SNRPN: variants seen among roughly 807,000 people sequenced by gnomAD.
SNRPN encodes the protein small nuclear ribonucleoprotein-associated protein N.
In SNRPN, 7 loss-of-function variants were observed where a neutral mutation model predicts 25.2. The ratio of observed to expected loss-of-function variants is 0.28; its 90% CI spans 0.16 to 0.52. SNRPN has a LOEUF of 0.52. Among genes scored for constraint, SNRPN ranks in the 20% least tolerant of loss-of-function variants. SNRPN has a pLI of 0.96. For missense variants in SNRPN, 196 were observed against 322.5 expected (o/e 0.61, Z 3.00); for synonymous variants, 124 against 110.6 (o/e 1.12, Z -0.76).
chr15:24,867,224 G>C (rs1343163870), intron 1 of SNRPN, among the ~76,000 whole-genome samples: 12 of 152,044 alleles, frequency 7.9e-5, no homozygotes. Context: ...GATAATGGCT[G>C]TACCGATTAA....
chr15:24,955,191 C>A, intron 1 of SNRPN, 129 bp downstream of exon 1: 1 of 1,262,648 alleles, frequency 7.9e-7, no homozygotes, highest in South Asian at 1.3e-5. Context: ...GTCCTTTGTT[C>A]TGGAGAACCA....
intron 1 of SNRPN, among the ~76,000 whole-genome samples, chr15:24,885,366 G>A (rs1034714059): frequency 3.3e-5 from 5 of 152,076 alleles, no homozygotes; most frequent in African/African-American, 1.2e-4. Flanking sequence ...ATAACAGTGG[G>A]GTCAAAAGGT....
At chr15:24,954,304 C>T (rs73354180), upstream of SNRPN, among the ~76,000 whole-genome samples, 367 of 152,234 alleles carry the variant, frequency 2.4e-3, 2 homozygotes, top group African/African-American at 8.4e-3. Flanking sequence ...GAAAGGCTCT[C>T]CTACTTAGAT....
Position 24,974,430 on chromosome 15 carries a change from A to C in SNRPN, c.-24A>C. The C allele has an allele frequency of 6.2e-7, 1 of 1,613,016 alleles. No individual in the cohort carries two copies. Among genetic ancestry groups the C allele is most frequent in the South Asian group, 1.1e-5 (1 of 91,072 alleles). ...GAAGCATCAAGTTTTAACTGTGGAC[A>C]TTGGATTTGGTGGAACAGCAATCAT... On this transcript the variant is annotated 5_prime_UTR_variant, in exon 4 of 10. Transcript: ENST00000390687.
At chr15:24,849,906 T>C (rs1208999539) in intron 2 of SNRPN, 2 of 152,264 alleles carry the variant, frequency 1.3e-5, no homozygotes, top group African/African-American at 2.4e-5. Context: ...TTACTTGTTA[T>C]GAAAATGAAG....
chr15:24,865,046 C>CTT (rs35703226), intron 1 of SNRPN, among the ~76,000 whole-genome samples: 14 of 133,002 alleles, frequency 1.1e-4, no homozygotes, highest in Non-Finnish European at 1.6e-4. Flanking sequence ...GGAGACTGAG[C>CTT]TTTTTTTTTT....
chr15:24,874,905 T>C (rs896347410), intron 1 of SNRPN, among the ~76,000 whole-genome samples: 1 of 152,230 alleles, frequency 6.6e-6, no homozygotes, highest in Non-Finnish European at 1.5e-5. Flanking sequence ...TAGTGTATTC[T>C]GCTTATATTT....
chr15:24,954,801 T>C (rs947830351), upstream of SNRPN: 5 of 582,256 alleles, frequency 8.6e-6, no homozygotes, highest in Middle Eastern at 4.6e-4. Context: ...CCCCTCTCAT[T>C]GCAACAGTGC....
intron 2 of SNRPN, among the ~76,000 whole-genome samples, chr15:24,838,605 T>C (rs1472089403): frequency 6.6e-6 from 1 of 152,026 alleles, no homozygotes; most frequent in African/African-American, 2.4e-5. Context: ...CAGATAAGGA[T>C]TGGATTGAGC....
intron 1 of SNRPN, among the ~76,000 whole-genome samples, chr15:24,881,834 G>C (rs2056716796): frequency 6.6e-6 from 1 of 152,174 alleles, no homozygotes; most frequent in Non-Finnish European, 1.5e-5. Flanking sequence ...TTTTAGGAAT[G>C]TGTATGTATA....
chr15:24,964,476 T>C (rs1946119480), intron 2 of SNRPN, among the ~76,000 whole-genome samples: 2 of 152,200 alleles, frequency 1.3e-5, no homozygotes, highest in South Asian at 4.2e-4. Context: ...ATTTTTTTAG[T>C]AGAGACAGGG....
chr15:24,958,541 A>G (rs1022675301), intron 1 of SNRPN, among the ~76,000 whole-genome samples: 2 of 108,746 alleles, frequency 1.8e-5, no homozygotes, highest in Admixed American at 1.4e-4. Context: ...GGGTCTCCCT[A>G]TGTTGTCCAG....
At chr15:24,913,488 C>G (rs758479556) in intron 2 of SNRPN, among the ~76,000 whole-genome samples, 18 of 151,872 alleles carry the variant, frequency 1.2e-4, no homozygotes, top group Non-Finnish European at 2.2e-4. Flanking sequence ...ACTAAAAATA[C>G]AAAAATTAGC....
At chr15:24,967,819 A>AG (rs1481598306) in intron 2 of SNRPN, 113 bp from the exon 3 acceptor site, 1 of 935,312 alleles carries the variant, frequency 1.1e-6, no homozygotes, top group African/African-American at 1.7e-5. Flanking sequence ...AAAAAAAAAA[A>AG]AAAAAAAAAG....
chr15:24,967,878 C>A, intron 2 of SNRPN, 54 bp from the exon 3 acceptor site: 1 of 1,451,450 alleles, frequency 6.9e-7, no homozygotes, highest in South Asian at 1.1e-5. Context: ...CATATGGTTT[C>A]CTATAAAGAC....
intron 3 of SNRPN, chr15:24,921,144 C>T (rs942313169): frequency 3.3e-5 from 5 of 152,188 alleles, no homozygotes; most frequent in African/African-American, 1.2e-4. Flanking sequence ...CTGACAGGCT[C>T]ATGTTCATGC....
intron 2 of SNRPN, chr15:24,910,773 G>A (rs745709749): frequency 1.7e-4 from 54 of 312,042 alleles, no homozygotes; most frequent in Non-Finnish European, 2.5e-4. Context: ...AACTACAGGC[G>A]TGAGGCACCT....
At chr15:24,976,646 C>T (rs780443279) in intron 6 of SNRPN, among the ~76,000 whole-genome samples, 2 of 152,118 alleles carry the variant, frequency 1.3e-5, no homozygotes, top group Non-Finnish European at 2.9e-5. Context: ...GTTGGTGATT[C>T]ATGTTTGCTT....
chr15:24,870,559 C>T (rs1389375504), intron 1 of SNRPN, among the ~76,000 whole-genome samples: 3 of 149,322 alleles, frequency 2.0e-5, no homozygotes, highest in Admixed American at 6.7e-5. Flanking sequence ...AAGTTAGAGG[C>T]TACATGCATA....
Sources: allele counts gnomAD v4.1 joint callset (sites outside exome capture counted in the v4.1 genomes callset), GRCh38; gene constraint gnomAD v4.1.1; transcripts MANE v1.5; gene names NCBI Gene and HGNC (gene_info 2026-07-23, HGNC 2026-07-21).